The following PHEX variants were observed in gnomAD, a reference collection of about 807,000 sequenced individuals.
The protein encoded by PHEX is phosphate regulating endopeptidase X-linked.
A neutral mutation model predicts 68.0 loss-of-function variants in PHEX; 16 were observed. The observed-to-expected ratio is 0.24, with a 90% CI of 0.16 to 0.36. The LOEUF is 0.36. Ranked by LOEUF, PHEX falls within the 10% of genes least tolerant of loss-of-function variation. The pLI is 1.00. For missense variants in PHEX, 480 were observed against 575.5 expected, an observed-to-expected ratio of 0.83 and a Z score of 1.70; for synonymous variants, 208 against 205.1, an observed-to-expected ratio of 1.01 and a Z score of -0.12.
At chrX:22,084,902 T>C (rs1197999535) in intron 5 of PHEX, among the ~76,000 whole-genome samples, 1 of 111,189 alleles carries the variant, frequency 9.0e-6, no homozygotes, top group East Asian at 2.8e-4. Context: ...ATTGTTAGTC[T>C]AGCTAAAGAT....
At chrX:22,171,244 C>A (rs1407151777) in intron 13 of PHEX, 1 of 110,490 alleles carries the variant, frequency 9.1e-6, no homozygotes, top group Non-Finnish European at 1.9e-5. Context: ...CACAAGGCGG[C>A]AGGAGGGAAG....
chrX:22,143,022 A>G (rs1259372327), intron 12 of PHEX, among the ~76,000 whole-genome samples: 2 of 112,446 alleles, frequency 1.8e-5, no homozygotes, highest in Non-Finnish European at 3.8e-5. Flanking sequence ...CTCTTAGCCA[A>G]CTTGTAAGCA....
At chrX:22,085,060 G>T (rs1270669783) in intron 5 of PHEX, among the ~76,000 whole-genome samples, 1 of 110,559 alleles carries the variant, frequency 9.0e-6, no homozygotes, top group African/African-American at 3.3e-5. Context: ...CTAGTTCCTT[G>T]AGTTGTATCA....
At chrX:22,098,607 T>C (rs1349581756) in intron 8 of PHEX, among the ~76,000 whole-genome samples, 55 of 96,443 alleles carry the variant, frequency 5.7e-4, no homozygotes, top group African/African-American at 2.1e-3. Flanking sequence ...GCCAACATGG[T>C]GAAATTCCAC....
At chrX:22,235,095 G>A (rs1307509958) in intron 20 of PHEX, among the ~76,000 whole-genome samples, 3 of 111,077 alleles carry the variant, frequency 2.7e-5, no homozygotes, top group African/African-American at 9.8e-5. Flanking sequence ...AAAATTCCCC[G>A]ACCCCTTGCA....
chrX:22,133,446 C>A lies in PHEX; in HGVS notation c.1303-77C>A, dbSNP rs192225326. 44 of 752,172 alleles carry A rather than the reference C, an allele frequency of 5.8e-5. No individual in the cohort carries two copies. The East Asian group carries it at 1.2e-3, about 21-fold the overall frequency. 62.0% of individuals were successfully genotyped at this position (752,172 alleles called of 1,213,427 possible). ...GTTGAGTAAAGAGTCATTTCTCATGCAAGCCAATTTTGTTCCAGAAAACCT... is the reference window on the plus strand; with the variant it reads ...GTTGAGTAAAGAGTCATTTCTCATGAAAGCCAATTTTGTTCCAGAAAACCT... On this transcript the variant is annotated intron_variant, in intron 11 of 21. Coordinates refer to ENST00000379374, the MANE Select transcript of PHEX (RefSeq NM_000444.6).
At chrX:22,039,374 C>T (rs754778443) in intron 2 of PHEX, among the ~76,000 whole-genome samples, 1 of 111,930 alleles carries the variant, frequency 8.9e-6, no homozygotes, top group South Asian at 3.7e-4. Context: ...TTAAAGTGGC[C>T]GCAGTTTTGC....
intron 12 of PHEX, among the ~76,000 whole-genome samples, chrX:22,161,778 G>A (rs2301319): frequency 0.32 from 35,912 of 110,676 alleles, 4,971 homozygotes; most frequent in African/African-American, 0.52. Context: ...TTAAATAAAA[G>A]TATTTCTCCA....
intron 12 of PHEX, among the ~76,000 whole-genome samples, chrX:22,145,919 C>G (rs1766290253): frequency 8.9e-6 from 1 of 112,052 alleles, no homozygotes; most frequent in South Asian, 3.7e-4. Flanking sequence ...CTAAGCACTT[C>G]CAGAGGTGCC....
chrX:22,151,773 C>A (rs985585471), intron 12 of PHEX, among the ~76,000 whole-genome samples: 1 of 111,697 alleles, frequency 9.0e-6, no homozygotes, highest in African/African-American at 3.3e-5. Context: ...ACTTTCTTGC[C>A]TTGCCTTTTC....
chrX:22,082,633 A>G (rs761305150), intron 5 of PHEX, among the ~76,000 whole-genome samples: 51 of 112,506 alleles, frequency 4.5e-4, no homozygotes, highest in Non-Finnish European at 7.3e-4. Context: ...CACAGTTTCC[A>G]AATACTTTCT....
chrX:22,189,676 T>C (rs948860178), intron 14 of PHEX, among the ~76,000 whole-genome samples: 2 of 112,644 alleles, frequency 1.8e-5, no homozygotes, highest in African/African-American at 6.5e-5. Context: ...CGTAATATCC[T>C]TGATTTTGCC....
chrX:22,073,854 G>A (rs1182005116), intron 3 of PHEX, among the ~76,000 whole-genome samples: 1 of 109,837 alleles, frequency 9.1e-6, no homozygotes, highest in African/African-American at 3.3e-5. Context: ...TGGCCAGGCT[G>A]GTCTCAAACT....
intron 7 of PHEX, among the ~76,000 whole-genome samples, chrX:22,094,884 C>T (rs1297194978): frequency 8.9e-6 from 1 of 111,995 alleles, no homozygotes; most frequent in African/African-American, 3.2e-5. Context: ...GTGTAAAAAT[C>T]TCTCTATATG....
chrX:22,249,455 A>AAAAAAATATATATATATATATATAT lies in PHEX; in HGVS notation c.*1503_*1504insAAAAATATATATATATATATATATA. 2.5e-5 allele frequency: 1 copy of AAAAAAATATATATATATATATATAT among 39,754 alleles called. No homozygotes were observed. The highest frequency in any genetic ancestry group is 1.7e-4 in the African/African-American group (1 of 6,015). 3.3% of individuals were successfully genotyped at this position (39,754 alleles called of 1,213,427 possible). A position where few individuals can be genotyped will look rare whatever the true frequency, so the allele number is the denominator to read the frequency against. Reference sequence around the variant, plus strand: ...TTGTGATTCTTTTAAAAAAAAAAAAAATATATATATATATATATATATATA... The same window carrying AAAAAAATATATATATATATATATAT: ...TTGTGATTCTTTTAAAAAAAAAAAAAAAAAAATATATATATATATATATATATATATATATATATATATATATATA... On this transcript the variant is annotated 3_prime_UTR_variant, in exon 22 of 22. Transcript: ENST00000379374.
chrX:22,134,316 T>A (rs1327809785), intron 12 of PHEX, among the ~76,000 whole-genome samples: 3 of 112,303 alleles, frequency 2.7e-5, no homozygotes, highest in African/African-American at 9.7e-5. Flanking sequence ...ACGGGCTGGG[T>A]GCAGTGGCTC....
At chrX:22,216,603 T>G (rs1398119870) in intron 16 of PHEX, among the ~76,000 whole-genome samples, 1 of 110,491 alleles carries the variant, frequency 9.1e-6, no homozygotes, top group Non-Finnish European at 1.9e-5. Context: ...CACTGCAACC[T>G]CCGCCTCCCG....
chrX:22,066,595 C>T (rs1181512518), intron 3 of PHEX, among the ~76,000 whole-genome samples: 1 of 111,925 alleles, frequency 8.9e-6, no homozygotes, highest in Non-Finnish European at 1.9e-5. Flanking sequence ...GCCAAAGGTG[C>T]TGTTGCTTCC....
chrX:22,189,268 T>C (rs5020546), intron 14 of PHEX, among the ~76,000 whole-genome samples: 40,268 of 111,542 alleles, frequency 0.36, 5,840 homozygotes, highest in South Asian at 0.63. Context: ...TTGATTATTT[T>C]CTTTCCTTTG....
Sources: gnomAD v4.1 joint callset for allele counts (sites outside exome capture counted in the v4.1 genomes callset) on GRCh38, gnomAD v4.1.1 for gene constraint, MANE v1.5 for transcripts, NCBI Gene and HGNC (gene_info 2026-07-23, HGNC 2026-07-21) for gene names.